SMAD2: variants seen among roughly 807,000 people sequenced by gnomAD.
SMAD2 encodes SMAD family member 2.
Under a neutral mutation model 64.4 loss-of-function variants are expected in SMAD2, and 8 were observed. The observed-to-expected ratio is 0.12, with a 90% CI of 0.07 to 0.22. The LOEUF (loss-of-function observed/expected upper bound fraction) is 0.22, where lower values mean the gene tolerates loss of function less well. Among genes scored for constraint, SMAD2 ranks in the 10% least tolerant of loss-of-function variants. The probability of loss-of-function intolerance (pLI) is 1.00; values close to 1 mark genes in which losing one functional copy is unlikely to be tolerated. For missense variants in SMAD2, 289 were observed against 561.2 expected, an observed-to-expected ratio of 0.51 and a Z score of 4.90; for synonymous variants, 203 against 195.8, an observed-to-expected ratio of 1.04 and a Z score of -0.31.
chr18:47,924,335 C>T (rs2034678965), intron 1 of SMAD2, among the ~76,000 whole-genome samples: 3 of 151,312 alleles, frequency 2.0e-5, no homozygotes, highest in Admixed American at 6.6e-5. Context: ...CTCTAGTCAA[C>T]AAAAGAGTTT....
At chr18:47,853,547 AAGAT>A (rs1460973119) in intron 6 of SMAD2, 1 of 182,444 alleles carries the variant, frequency 5.5e-6, no homozygotes, top group African/African-American at 2.4e-5. Context: ...AAAAAAGAGT[AAGAT>A]AGGTCAGACC....
chr18:47,865,252 T>C, intron 5 of SMAD2, 119 bp from the exon 6 acceptor site: 1 of 643,838 alleles, frequency 1.6e-6, no homozygotes, highest in Non-Finnish European at 2.8e-6. Flanking sequence ...TTATATAATA[T>C]TATAAAAAGT....
At chr18:47,924,939 A>G (rs2034705207) in intron 1 of SMAD2, among the ~76,000 whole-genome samples, 1 of 152,248 alleles carries the variant, frequency 6.6e-6, no homozygotes, top group South Asian at 2.1e-4. Context: ...TCACTATGCT[A>G]CTTCCTCAGA....
intron 6 of SMAD2, among the ~76,000 whole-genome samples, chr18:47,860,103 C>T (rs2031055120): frequency 6.6e-6 from 1 of 152,110 alleles, no homozygotes. Context: ...CACTGCACTC[C>T]AGCCTGGGCA....
Position 47,816,242 on chromosome 18 carries a change from T to C in SMAD2, c.*25585A>G, listed in dbSNP as rs1452891770. ...AAAAAGGAATTTATTTATTTGCACC[T>C]ATGTATTGTTCAGAAGTTTTAGGTC... On this transcript the variant is annotated 3_prime_UTR_variant, in exon 11 of 11. Coordinates refer to ENST00000262160, the MANE Select transcript of SMAD2 (RefSeq NM_005901.6). The C allele has an allele frequency of 6.6e-6, 1 of 152,346 alleles. No individual in the cohort carries two copies. The highest frequency in any genetic ancestry group is 2.4e-5 in the African/African-American group (1 of 41,574). The allele number at this position is 152,346 out of a possible 1,614,324, so 9.4% of individuals were successfully genotyped here.
intron 1 of SMAD2, among the ~76,000 whole-genome samples, chr18:47,914,287 A>T (rs1016180438): frequency 1.3e-5 from 2 of 152,234 alleles, no homozygotes; most frequent in African/African-American, 2.4e-5. Context: ...TTTAATTAAA[A>T]ATCTTTTATG....
chr18:47,918,945 C>T (rs576012389), intron 1 of SMAD2, among the ~76,000 whole-genome samples: 7 of 151,954 alleles, frequency 4.6e-5, no homozygotes, highest in Admixed American at 4.6e-4. Flanking sequence ...AAGAAAAAGC[C>T]CCTGAACTGA....
At chr18:47,889,483 T>C (rs1343278755) in intron 2 of SMAD2, among the ~76,000 whole-genome samples, 2 of 151,716 alleles carry the variant, frequency 1.3e-5, no homozygotes, top group Non-Finnish European at 2.9e-5. Context: ...CAGGTAAGAC[T>C]GGAAACAGTC....
chr18:47,856,218 T>C (rs564527856), intron 6 of SMAD2, among the ~76,000 whole-genome samples: 11 of 151,984 alleles, frequency 7.2e-5, no homozygotes, highest in East Asian at 1.9e-4. Context: ...AGGGAGATTA[T>C]AGGTCAAAGG....
intron 7 of SMAD2, among the ~76,000 whole-genome samples, chr18:47,850,307 G>GTATAATATATATTATT (rs71162895): frequency 4.8e-5 from 1 of 21,004 alleles, no homozygotes. Flanking sequence ...TATATATTAT[G>GTATAATATATATTATT]TATGTTATAT....
Position 47,838,760 on chromosome 18 carries a change from G to A in SMAD2, c.*3067C>T, listed in dbSNP as rs1913665983. On this transcript the variant is annotated 3_prime_UTR_variant, in exon 11 of 11. Transcript: ENST00000262160. ...AGAATAAATATGCCACTAAGTCAGT[G>A]AGAACTCCAACAGCCTCCCCTAAGC... The A allele has an allele frequency of 8.6e-6, 2 of 232,510 alleles. No homozygotes were observed. The highest frequency in any genetic ancestry group is 1.7e-5 in the Non-Finnish European group (2 of 117,620). The allele number at this position is 232,510 out of a possible 1,614,324, so 14.4% of individuals were successfully genotyped here. A position where few individuals can be genotyped will look rare whatever the true frequency, so the allele number is the denominator to read the frequency against.
intron 6 of SMAD2, among the ~76,000 whole-genome samples, chr18:47,855,684 C>G (rs1256222722): frequency 6.6e-6 from 1 of 152,096 alleles, no homozygotes; most frequent in Non-Finnish European, 1.5e-5. Flanking sequence ...GGCAGTGTCA[C>G]AATCTTGGCT....
At position 47,824,843 on chromosome 18, in the gene SMAD2, T is replaced by C. The variant is rs1332027808; in HGVS notation, c.*16984A>G. On this transcript the variant is annotated 3_prime_UTR_variant, in exon 11 of 11. Coordinates refer to ENST00000262160, the MANE Select transcript of SMAD2 (RefSeq NM_005901.6). ...GTCCACAAATCATGGCAAAAAACTT[T>C]GTTTTCATATGCCCATTATGGCTTG... The C allele has an allele frequency of 1.3e-5, 2 of 152,252 alleles. No individual in the cohort carries two copies. Among genetic ancestry groups the C allele is most frequent in the African/African-American group, 4.8e-5 (2 of 41,472 alleles). The allele number at this position is 152,252 out of a possible 1,614,324, so 9.4% of individuals were successfully genotyped here.
In SMAD2 at chr18:47,810,428, T is replaced by C. The variant is rs1321551083; in HGVS notation, c.*31399A>G. The C allele has an allele frequency of 1.5e-4, 23 of 152,208 alleles. No homozygotes were observed. The highest frequency in any genetic ancestry group is 2.9e-5 in the Non-Finnish European group (2 of 68,080). The allele number at this position is 152,208 out of a possible 1,614,324, so 9.4% of individuals were successfully genotyped here. A position where few individuals can be genotyped will look rare whatever the true frequency, so the allele number is the denominator to read the frequency against. ...TATCCACCCTCCCTGCCCACCTTAA[T>C]TGCCCCCACTGGAACCCTGCAGCAG... is the stretch of plus-strand genomic sequence containing the variant. On this transcript the variant is annotated 3_prime_UTR_variant, in exon 11 of 11. Coordinates refer to ENST00000262160, the MANE Select transcript of SMAD2 (RefSeq NM_005901.6).
intron 1 of SMAD2, among the ~76,000 whole-genome samples, chr18:47,928,711 T>G (rs2144561998): frequency 6.6e-6 from 1 of 152,328 alleles, no homozygotes; most frequent in South Asian, 2.1e-4. Context: ...AACCCAAACT[T>G]TTGTTGAACA....
rs1912870600 is a variant in SMAD2 at position 47,828,652 on chromosome 18, A to T, written c.*13175T>A. 1 of 157,174 alleles carries T rather than the reference A, an allele frequency of 6.4e-6. No homozygotes were observed. Among genetic ancestry groups the T allele is most frequent in the African/African-American group, 2.4e-5 (1 of 41,418 alleles). 9.7% of individuals were successfully genotyped at this position (157,174 alleles called of 1,614,324 possible). On this transcript the variant is annotated 3_prime_UTR_variant, in exon 11 of 11. Transcript: ENST00000262160. ...CTTACCCCCAACCCCGTGCTCTCTG[A>T]AACATGTGCTGTGTCCACTCAGGGT...
At chr18:47,849,738 T>C (rs1371998281) in intron 7 of SMAD2, among the ~76,000 whole-genome samples, 1 of 152,250 alleles carries the variant, frequency 6.6e-6, no homozygotes, top group Non-Finnish European at 1.5e-5. Context: ...CCCAGCACGA[T>C]GGCTCACGCC....
At chr18:47,891,745 T>TA (rs896897253) in intron 2 of SMAD2, among the ~76,000 whole-genome samples, 33 of 151,480 alleles carry the variant, frequency 2.2e-4, no homozygotes, top group South Asian at 1.0e-3. Context: ...ATCAGAATGC[T>TA]AAAAAAAATA....
At chr18:47,909,959 T>C (rs2034059705) in intron 1 of SMAD2, among the ~76,000 whole-genome samples, 1 of 151,910 alleles carries the variant, frequency 6.6e-6, no homozygotes, top group Non-Finnish European at 1.5e-5. Flanking sequence ...GAAAAGACCG[T>C]CAATGTTACA....
Sources: allele counts gnomAD v4.1 joint callset (sites outside exome capture counted in the v4.1 genomes callset), GRCh38; gene constraint gnomAD v4.1.1; transcripts MANE v1.5; gene names NCBI Gene and HGNC (gene_info 2026-07-23, HGNC 2026-07-21).